Variants in FEZ1 observed in about 807,000 individuals in gnomAD.
The protein encoded by FEZ1 is fasciculation and elongation protein zeta-1.
In FEZ1, 20 loss-of-function variants were observed where a neutral mutation model predicts 49.3. The ratio of observed to expected loss-of-function variants is 0.41; its 90% CI spans 0.29 to 0.59. The LOEUF is 0.59. FEZ1 is among the 20% of genes least tolerant of loss of function. FEZ1 has a pLI of 0.36. For missense variants in FEZ1, 413 were observed against 476.0 expected, an observed-to-expected ratio of 0.87 and a Z score of 1.23; for synonymous variants, 170 against 180.9, an observed-to-expected ratio of 0.94 and a Z score of 0.48.
rs1956895148 is a variant in FEZ1, at chr11:125,446,011, G to T, written c.*84C>A. The T allele has an allele frequency of 7.6e-7, 1 of 1,316,334 alleles. No individual in the cohort carries two copies. Among genetic ancestry groups the T allele is most frequent in the Non-Finnish European group, 1.1e-6 (1 of 908,900 alleles). 81.5% of individuals were successfully genotyped at this position (1,316,334 alleles called of 1,614,324 possible). A position where few individuals can be genotyped will look rare whatever the true frequency, so the allele number is the denominator to read the frequency against. On this transcript the variant is annotated 3_prime_UTR_variant, in exon 10 of 10. Coordinates refer to ENST00000278919, the MANE Select transcript of FEZ1 (RefSeq NM_005103.5). ...TATACACGTTTAAATACATGTCGGA[G>T]GTTACATGGTCTCATGCAGTCCCTG... is the stretch of plus-strand genomic sequence containing the variant.
rs2135787076 is a variant in FEZ1 at position 125,489,200 on chromosome 11, G to A, written c.311+267C>T. On this transcript the variant is annotated intron_variant, in intron 2 of 9. Transcript: ENST00000278919. The surrounding 1 kb of genome is among the most constrained non-coding windows in gnomAD (Gnocchi z 4.2). Reference sequence around the variant, plus strand: ...AGAAAGCTTAAGATAGACAGACCCTGAAATTTACTGTGCTCCTGAAATTCC... The same window carrying A: ...AGAAAGCTTAAGATAGACAGACCCTAAAATTTACTGTGCTCCTGAAATTCC... The A allele has an allele frequency of 3.6e-6, 4 of 1,122,494 alleles. No homozygotes were observed. The South Asian group carries it at 1.3e-4, about 37-fold the overall frequency. 69.5% of individuals were successfully genotyped at this position (1,122,494 alleles called of 1,614,324 possible). A position where few individuals can be genotyped will look rare whatever the true frequency, so the allele number is the denominator to read the frequency against.
chr11:125,452,094 T>C (rs997112988), intron 8 of FEZ1, among the ~76,000 whole-genome samples: 7 of 151,958 alleles, frequency 4.6e-5, no homozygotes, highest in Non-Finnish European at 7.4e-5. Flanking sequence ...CATTTTTTTT[T>C]CCCCCAGCAG....
At position 125,444,347 on chromosome 11, in the gene FEZ1, A is replaced by G. The variant is rs550014127; in HGVS notation, c.*1748T>C. The stretch of plus-strand genomic sequence containing the variant: ...ACGCCTATAATCCCAGCACTTTGGG[A>G]AGCCTAGGAGGGCAGATCGCCTGAG... On this transcript the variant is annotated 3_prime_UTR_variant, in exon 10 of 10. Transcript: ENST00000278919. Among the ~76,000 whole-genome samples the G allele has an allele frequency of 3.9e-5, 6 of 152,262 alleles. No homozygotes were observed. The highest frequency in any genetic ancestry group is 1.2e-4 in the African/African-American group (5 of 41,544).
At chr11:125,449,209 ATTTT>A (rs35234938) in intron 8 of FEZ1, among the ~76,000 whole-genome samples, 2 of 138,102 alleles carry the variant, frequency 1.4e-5, no homozygotes, top group East Asian at 2.1e-4. Flanking sequence ...TGCCCAGCTA[ATTTT>A]TTTTTTTTTT....
chr11:125,473,335 A>G (rs1005121956), intron 3 of FEZ1, among the ~76,000 whole-genome samples: 1 of 152,230 alleles, frequency 6.6e-6, no homozygotes, highest in Admixed American at 6.5e-5. Flanking sequence ...GAATAATTGA[A>G]TAGCCATATG....
In FEZ1 at chr11:125,493,492, AAGAAAGAAAGAAAGAG is replaced by A. The variant is rs1565307292; in HGVS notation, c.-46+2613_-46+2628del. Among the ~76,000 whole-genome samples the A allele has an allele frequency of 3.9e-3, 394 of 99,836 alleles. 17 individuals carry two copies. Among genetic ancestry groups the A allele is most frequent in the East Asian group, 5.9e-3 (20 of 3,410 alleles). 65.5% of individuals were successfully genotyped at this position (99,836 alleles called of 152,430 possible). ...AAAGAAGGAAAGAAGGAAAGAAGGAAAGAAAGAAAGAAAGAGAGAAAGAAAGAAAGAAAGAAAGAAA... is the reference window on the plus strand; with the variant it reads ...AAAGAAGGAAAGAAGGAAAGAAGGAAAGAAAGAAAGAAAGAAAGAAAGAAA... On this transcript the variant is annotated intron_variant, in intron 1 of 9. Transcript: ENST00000278919.
At chr11:125,455,697 C>T (rs746912437) in intron 6 of FEZ1, 138 bp downstream of exon 6, 8 of 853,870 alleles carry the variant, frequency 9.4e-6, no homozygotes, top group Admixed American at 7.2e-5. Flanking sequence ...CCTTTCTGAC[C>T]CCCTGTCTGT....
At chr11:125,452,724 T>G (rs917726458) in intron 7 of FEZ1, 2 of 286,450 alleles carry the variant, frequency 7.0e-6, no homozygotes, top group African/African-American at 4.3e-5. Context: ...GGGGATTATA[T>G]TTTCTTATTC....
At chr11:125,448,803 A>G (rs1053216372) in intron 8 of FEZ1, among the ~76,000 whole-genome samples, 2 of 152,124 alleles carry the variant, frequency 1.3e-5, no homozygotes, top group Non-Finnish European at 2.9e-5. Context: ...GTTTAGTTTC[A>G]GTTGTAACCC....
intron 6 of FEZ1, among the ~76,000 whole-genome samples, chr11:125,454,735 G>T (rs1956991483): frequency 6.6e-6 from 1 of 152,098 alleles, no homozygotes; most frequent in South Asian, 2.1e-4. Context: ...AGCATGAGTG[G>T]CTGGGCGCAG....
intron 3 of FEZ1, among the ~76,000 whole-genome samples, chr11:125,466,952 A>T (rs528053692): frequency 6.6e-6 from 1 of 152,094 alleles, no homozygotes; most frequent in East Asian, 1.9e-4. Flanking sequence ...TGCCCCCCTG[A>T]CAAAAATTAA....
intron 6 of FEZ1, 167 bp downstream of exon 6, chr11:125,455,668 A>T: frequency 1.4e-6 from 1 of 720,588 alleles, no homozygotes; most frequent in South Asian, 1.6e-5. Context: ...GGAGTGGAGG[A>T]GATAGGTGAT....
Position 125,468,245 on chromosome 11 carries a change from A to C in FEZ1, c.412-4675T>G, listed in dbSNP as rs111587792. On this transcript the variant is annotated intron_variant, in intron 3 of 9. Coordinates refer to ENST00000278919, the MANE Select transcript of FEZ1 (RefSeq NM_005103.5). ...CAGGCTGGAGTCCAATGACATGATC[A>C]AAGTCCACTGCAGCCTCCCTTTCCT... Among the ~76,000 whole-genome samples the C allele has an allele frequency of 2.7e-3, 414 of 152,096 alleles. 7 individuals carry two copies. Among genetic ancestry groups the C allele is most frequent in the African/African-American group, 8.1e-3 (337 of 41,492 alleles).
intron 3 of FEZ1, among the ~76,000 whole-genome samples, chr11:125,476,285 C>T (rs1957232328): frequency 1.3e-5 from 2 of 151,970 alleles, no homozygotes; most frequent in South Asian, 2.1e-4. Flanking sequence ...CTTTCAATTA[C>T]GATATGGGGG....
chr11:125,458,970 G>A (rs1957045498), intron 5 of FEZ1, among the ~76,000 whole-genome samples: 1 of 152,142 alleles, frequency 6.6e-6, no homozygotes, highest in African/African-American at 2.4e-5. Context: ...GGAGGATGAG[G>A]CAGGAGAACT....
intron 5 of FEZ1, among the ~76,000 whole-genome samples, chr11:125,457,481 C>CGCATATATGTGTATATATGTATATATAT (rs1957028107): frequency 3.0e-5 from 1 of 33,730 alleles, no homozygotes; most frequent in Non-Finnish European, 6.6e-5. Context: ...TGTATATATA[C>CGCATATATGTGTATATATGTATATATAT]ACATATATGT....
intron 3 of FEZ1, among the ~76,000 whole-genome samples, chr11:125,463,910 G>C (rs1018022920): frequency 2.0e-5 from 3 of 152,214 alleles, no homozygotes; most frequent in African/African-American, 7.2e-5. Flanking sequence ...CCTTCTCCAG[G>C]TAAGTGACAC....
intron 2 of FEZ1, among the ~76,000 whole-genome samples, chr11:125,482,974 T>TAAAA (rs56169482): frequency 8.7e-4 from 25 of 28,756 alleles, no homozygotes; most frequent in East Asian, 1.2e-3. Flanking sequence ...CAAGACACTG[T>TAAAA]AAAAAAAAAA....
At chr11:125,483,188 A>G (rs1957299944) in intron 2 of FEZ1, among the ~76,000 whole-genome samples, 2 of 151,954 alleles carry the variant, frequency 1.3e-5, no homozygotes, top group African/African-American at 2.4e-5. Context: ...ACTAAACAAA[A>G]TGCCCATATA....
Sources: gnomAD v4.1 joint callset for allele counts (sites outside exome capture counted in the v4.1 genomes callset) on GRCh38, gnomAD v4.1.1 for gene constraint, Gnocchi (gnomAD v3.1) non-coding constraint, MANE v1.5 for transcripts, NCBI Gene and HGNC (gene_info 2026-07-23, HGNC 2026-07-21) for gene names.